PDE12: variants seen among roughly 807,000 people sequenced by gnomAD.
The protein encoded by PDE12 is phosphodiesterase 12.
In PDE12, 26 loss-of-function variants were observed where a neutral mutation model predicts 45.4. The ratio of observed to expected loss-of-function variants is 0.57; its 90% CI spans 0.42 to 0.79. PDE12 has a LOEUF of 0.79. PDE12 is among the 30% of genes least tolerant of loss of function. The pLI is 0.00. For synonymous variants in PDE12, 283 were observed against 323.9 expected, an observed-to-expected ratio of 0.87 and a Z score of 1.36; for missense variants, 668 against 790.0, an observed-to-expected ratio of 0.85 and a Z score of 1.85.
At chr3:57,628,076 G>T in the PDE12 span, 1 of 1,284,580 alleles carries the variant, frequency 7.8e-7, no homozygotes, top group Non-Finnish European at 1.1e-6. Flanking sequence ...ATACAATACA[G>T]TCTTTCTACC....
At chr3:57,584,276 C>T in the PDE12 span, 1 of 1,111,116 alleles carries the variant, frequency 9.0e-7, no homozygotes, top group South Asian at 1.4e-5. Flanking sequence ...TTTAAAAGTA[C>T]TTCTAAGATA....
At chr3:57,656,378 T>C in the PDE12 span, among the ~76,000 whole-genome samples, 754 of 152,338 alleles carry the variant, frequency 4.9e-3, 5 homozygotes, top group African/African-American at 0.017. Flanking sequence ...AACTGCTGAA[T>C]AGTATTCCAT....
chr3:57,632,021 CTT>C, the PDE12 span, among the ~76,000 whole-genome samples: 9 of 96,012 alleles, frequency 9.4e-5, no homozygotes, highest in Admixed American at 2.5e-4. Context: ...CGCGCCCGGC[CTT>C]TTTTTTTTTT....
chr3:57,601,083 A>G, the PDE12 span, among the ~76,000 whole-genome samples: 1 of 152,020 alleles, frequency 6.6e-6, no homozygotes. Context: ...TACTCATAAC[A>G]TACTACACTA....
At position 57,561,107 on chromosome 3, in the gene PDE12, A is replaced by G; in HGVS notation, c.*1103A>G. ...GCACAATTTAGTATTCAAAGTGAGTAGCAACATATTCAACTTGATCCCATT... is the reference window on the plus strand; with the variant it reads ...GCACAATTTAGTATTCAAAGTGAGTGGCAACATATTCAACTTGATCCCATT... On this transcript the variant is annotated 3_prime_UTR_variant, in exon 3 of 3. Coordinates refer to ENST00000311180, the MANE Select transcript of PDE12 (RefSeq NM_177966.7). 1.0e-6 allele frequency: 1 copy of G among 984,648 alleles called. No homozygotes were observed. The highest frequency in any genetic ancestry group is 1.2e-6 in the Non-Finnish European group (1 of 828,820). The allele number at this position is 984,648 out of a possible 1,614,324, so 61.0% of individuals were successfully genotyped here.
At chr3:57,622,848 GAA>G in the PDE12 span, among the ~76,000 whole-genome samples, 3 of 152,088 alleles carry the variant, frequency 2.0e-5, no homozygotes, top group African/African-American at 7.2e-5. Flanking sequence ...CCAAAAAACA[GAA>G]AGAGTATATA....
chr3:57,622,764 C>G, the PDE12 span, among the ~76,000 whole-genome samples: 413 of 152,200 alleles, frequency 2.7e-3, no homozygotes, highest in Middle Eastern at 0.01. Flanking sequence ...AAGAAATGAT[C>G]TGCTGATACA....
chr3:57,641,613 C>A, the PDE12 span: 8 of 1,540,546 alleles, frequency 5.2e-6, 1 homozygote, highest in South Asian at 9.6e-5. Flanking sequence ...TGTTCAGCAA[C>A]ACTGCACACT....
chr3:57,561,991 T>G lies in PDE12; in HGVS notation c.*1987T>G. On this transcript the variant is annotated 3_prime_UTR_variant, in exon 3 of 3. Transcript: ENST00000311180. ...TCCTAAATAACATTTTTGAGAGCAT[T>G]TTAACAGCAGTTTACAAATATGTAA... The G allele has an allele frequency of 1.0e-6, 1 of 984,126 alleles. No individual in the cohort carries two copies. The highest frequency in any genetic ancestry group is 1.7e-5 in the African/African-American group (1 of 57,336). 61.0% of individuals were successfully genotyped at this position (984,126 alleles called of 1,614,324 possible). A position where few individuals can be genotyped will look rare whatever the true frequency, so the allele number is the denominator to read the frequency against.
chr3:57,611,526 C>CAAACTTAACAGGAAAA, the PDE12 span, among the ~76,000 whole-genome samples: 7 of 152,010 alleles, frequency 4.6e-5, no homozygotes, highest in East Asian at 1.3e-3. Flanking sequence ...AGAACTTAAA[C>CAAACTTAACAGGAAAA]AAACTTAACA....
the PDE12 span, among the ~76,000 whole-genome samples, chr3:57,655,922 A>G: frequency 2.0e-5 from 3 of 152,244 alleles, no homozygotes; most frequent in Non-Finnish European, 4.4e-5. Flanking sequence ...ATTTATGCCA[A>G]TTCTGCAAAT....
At chr3:57,594,163 G>A in the PDE12 span, among the ~76,000 whole-genome samples, 1 of 152,188 alleles carries the variant, frequency 6.6e-6, no homozygotes, top group Non-Finnish European at 1.5e-5. Context: ...GGCAGAGGTT[G>A]CAGTGAGCCT....
chr3:57,572,309 A>C, the PDE12 span: 1 of 1,596,310 alleles, frequency 6.3e-7, no homozygotes, highest in Non-Finnish European at 8.6e-7. Flanking sequence ...CTGTAAAGAG[A>C]AGACAAGAAA....
the PDE12 span, among the ~76,000 whole-genome samples, chr3:57,590,132 TAAAACAA>T: frequency 7.3e-6 from 1 of 136,226 alleles, no homozygotes; most frequent in East Asian, 2.2e-4. Flanking sequence ...AATAAATAAA[TAAAACAA>T]AAAACAAAAA....
At chr3:57,557,765 A>G in intron 1 of PDE12, 78 bp downstream of exon 1, 1 of 1,291,884 alleles carries the variant, frequency 7.7e-7, no homozygotes, top group South Asian at 1.3e-5. Flanking sequence ...GGTGGGGGTT[A>G]AAAGTGCGAT....
In PDE12 at chr3:57,556,374, A is replaced by G. The variant is rs199695319; in HGVS notation, c.-6A>G. 5.8e-6 allele frequency: 9 copies of G among 1,560,048 alleles called. No homozygotes were observed. The highest frequency in any genetic ancestry group is 2.0e-4 in the Middle Eastern group (1 of 4,938). Reference sequence around the variant, plus strand: ...GGGTCTTGTCGACCGCTAGGCCACCAGGTTCATGTGGAGGCTCCCAGGCGC... The same window carrying G: ...GGGTCTTGTCGACCGCTAGGCCACCGGGTTCATGTGGAGGCTCCCAGGCGC... On this transcript the variant is annotated 5_prime_UTR_variant, in exon 1 of 3. Coordinates refer to ENST00000311180, the MANE Select transcript of PDE12 (RefSeq NM_177966.7). This position sits in a 1 kb window ranked among gnomAD's most constrained non-coding sequence, Gnocchi z 5.0.
the PDE12 span, among the ~76,000 whole-genome samples, chr3:57,616,588 T>C: frequency 1.3e-5 from 2 of 152,170 alleles, no homozygotes; most frequent in Non-Finnish European, 2.9e-5. Context: ...TTAAACACCA[T>C]CCCATAGAAA....
the PDE12 span, among the ~76,000 whole-genome samples, chr3:57,616,955 C>T: frequency 1.2e-4 from 18 of 152,072 alleles, no homozygotes; most frequent in Non-Finnish European, 2.9e-5. Flanking sequence ...ACCCGGGAAG[C>T]GGAGGTTGCA....
the PDE12 span, chr3:57,597,974 G>A: frequency 6.6e-6 from 1 of 152,192 alleles, no homozygotes; most frequent in Non-Finnish European, 1.5e-5. Context: ...CACGCCAAGT[G>A]ATTCTGAAGA....
Sources: allele counts gnomAD v4.1 joint callset (sites outside exome capture counted in the v4.1 genomes callset), GRCh38; gene constraint gnomAD v4.1.1; non-coding constraint Gnocchi (gnomAD v3.1); transcripts MANE v1.5; gene names NCBI Gene and HGNC (gene_info 2026-07-23, HGNC 2026-07-21).